Variants in ZBTB37 observed in about 807,000 individuals in gnomAD.
The protein encoded by ZBTB37 is zinc finger and BTB domain containing 37, also known as zinc finger and BTB domain-containing protein 37.
Under a neutral mutation model 37.7 loss-of-function variants are expected in ZBTB37, and 15 were observed. The ratio of observed to expected loss-of-function variants is 0.40; its 90% CI spans 0.27 to 0.61. The LOEUF is 0.61. ZBTB37 is among the 20% of genes least tolerant of loss of function. The pLI, the probability that ZBTB37 is intolerant of heterozygous loss-of-function variation, is 0.44. For synonymous variants in ZBTB37, 231 were observed against 220.6 expected, an observed-to-expected ratio of 1.05 and a Z score of -0.42; for missense variants, 514 against 641.9, an observed-to-expected ratio of 0.80 and a Z score of 2.15.
At chr1:173,895,965 G>C (rs1657028983) in exon 4 of ZBTB37, 1 of 152,192 alleles carries the variant, frequency 6.6e-6, no homozygotes, top group Non-Finnish European at 1.5e-5. Flanking sequence ...AATCCTTGGA[G>C]CATTAGCTGT....
At position 173,891,773 on chromosome 1, in the gene ZBTB37, A is replaced by G. The variant is rs12022069; in HGVS notation, c.*5649A>G. On this transcript the variant is annotated 3_prime_UTR_variant, in exon 4 of 4. Transcript: ENST00000367701. ...GACCTTATCTCTAAAACAAAAAAAA[A>G]TCCTTGCAAGAAGAGAGAATAATTG... is the stretch of plus-strand genomic sequence containing the variant. The G allele has an allele frequency of 5.3e-5, 8 of 152,284 alleles. No individual in the cohort carries two copies. In the East Asian group the frequency reaches 1.5e-3, roughly 29 times the overall value. 9.4% of individuals were successfully genotyped at this position (152,284 alleles called of 1,614,324 possible).
intron 2 of ZBTB37, 29 bp from the exon 3 acceptor site, chr1:173,870,171 A>T: frequency 7.2e-7 from 1 of 1,380,896 alleles, no homozygotes; most frequent in Non-Finnish European, 9.7e-7. Flanking sequence ...TATAATTATT[A>T]ATGAGAATAT....
downstream of ZBTB37, chr1:173,889,562 AT>A (rs1656760960): frequency 6.6e-6 from 1 of 152,188 alleles, no homozygotes. Flanking sequence ...ATATTAATCT[AT>A]TTTCATACTA....
At chr1:173,891,523 T>C (rs539030735), downstream of ZBTB37, 2 of 152,318 alleles carry the variant, frequency 1.3e-5, no homozygotes, top group African/African-American at 4.8e-5. Flanking sequence ...TCTAAATACA[T>C]ATTGGACCAT....
In ZBTB37 at chr1:173,874,013, T is replaced by C. The variant is rs950648134; in HGVS notation, c.1023+447T>C. 2.0e-5 allele frequency among the ~76,000 whole-genome samples: 3 copies of C among 152,196 alleles called. No individual in the cohort carries two copies. In the East Asian group the frequency reaches 5.8e-4, roughly 30 times the overall value. ...GCTCGCGCCTGTAATCCCAGCACTT[T>C]GGGAGGCCGAGGCAGGTGGATCACC... On this transcript the variant is annotated intron_variant, in intron 4 of 4. Transcript: ENST00000427304.
intron 4 of ZBTB37, among the ~76,000 whole-genome samples, chr1:173,879,292 CAA>C (rs1656166976): frequency 6.6e-6 from 1 of 152,020 alleles, no homozygotes; most frequent in African/African-American, 2.4e-5. Context: ...AGATTGGAAA[CAA>C]GGGATGGGGG....
At chr1:173,886,205 A>T in exon 5 of ZBTB37, 1 of 1,463,540 alleles carries the variant, frequency 6.8e-7, no homozygotes, top group South Asian at 1.5e-5. Flanking sequence ...TGATACTTAG[A>T]TTCACAAAAT....
intron 3 of ZBTB37, among the ~76,000 whole-genome samples, chr1:173,871,496 C>G (rs1428202681): frequency 1.3e-5 from 2 of 152,200 alleles, no homozygotes; most frequent in Non-Finnish European, 2.9e-5. Context: ...AGCAGCATTG[C>G]CCTTCCTTGG....
intron 4 of ZBTB37, among the ~76,000 whole-genome samples, chr1:173,874,923 C>T (rs1213281735): frequency 1.3e-5 from 2 of 151,644 alleles, no homozygotes; most frequent in African/African-American, 2.4e-5. Flanking sequence ...AAAATTCTTG[C>T]TTGTGGGCGT....
downstream of ZBTB37, chr1:173,890,937 C>T (rs993720317): frequency 6.6e-6 from 1 of 152,178 alleles, no homozygotes; most frequent in Admixed American, 6.5e-5. Context: ...AAAGTTGTTA[C>T]TCATGACATT....
chr1:173,870,279 C>T (rs1655458975), exon 3 of ZBTB37: 3 of 1,614,194 alleles, frequency 1.9e-6, no homozygotes, highest in East Asian at 2.2e-5. Context: ...GCAACTCTGT[C>T]CTGAGCCATC....
At chr1:173,894,668 A>G (rs1262063275) in exon 4 of ZBTB37, 1 of 152,250 alleles carries the variant, frequency 6.6e-6, no homozygotes, top group Non-Finnish European at 1.5e-5. Flanking sequence ...ACTTAATGGT[A>G]AGATGACAGC....
intron 4 of ZBTB37, among the ~76,000 whole-genome samples, chr1:173,877,850 TG>T (rs1458030227): frequency 6.6e-6 from 1 of 152,216 alleles, no homozygotes; most frequent in Non-Finnish European, 1.5e-5. Flanking sequence ...GAATGAATAT[TG>T]ATAGATTTGA....
chr1:173,885,116 C>G (rs1460149888), intron 4 of ZBTB37, among the ~76,000 whole-genome samples: 1 of 152,078 alleles, frequency 6.6e-6, no homozygotes, highest in Admixed American at 6.6e-5. Flanking sequence ...TGCTGGTGGT[C>G]CCAGCTACTC....
intron 4 of ZBTB37, among the ~76,000 whole-genome samples, chr1:173,878,989 G>A (rs573748549): frequency 6.6e-6 from 1 of 151,748 alleles, no homozygotes; most frequent in Non-Finnish European, 1.5e-5. Flanking sequence ...TACTTGGGAG[G>A]CTGAGACAGG....
chr1:173,874,326 T>G (rs116138798), intron 4 of ZBTB37, among the ~76,000 whole-genome samples: 1 of 151,136 alleles, frequency 6.6e-6, no homozygotes, highest in South Asian at 2.1e-4. Context: ...CTAAAAAATC[T>G]ATAGAAAACA....
chr1:173,880,794 G>T (rs1227498674), intron 4 of ZBTB37, among the ~76,000 whole-genome samples: 1 of 152,154 alleles, frequency 6.6e-6, no homozygotes, highest in African/African-American at 2.4e-5. Context: ...TTCTTCTATT[G>T]CAACTTCACT....
exon 4 of ZBTB37, chr1:173,901,802 A>G (rs1657270920): frequency 6.6e-6 from 1 of 152,214 alleles, no homozygotes; most frequent in South Asian, 2.1e-4. Context: ...TGCCTCTGAA[A>G]GGAGGAGAAA....
At chr1:173,879,091 CAAAA>C (rs35322065) in intron 4 of ZBTB37, among the ~76,000 whole-genome samples, 3 of 84,788 alleles carry the variant, frequency 3.5e-5, no homozygotes, top group Non-Finnish European at 5.0e-5. Context: ...AACTCCATCT[CAAAA>C]AAAAAAAAAA....
Sources: gnomAD v4.1 joint callset for allele counts (sites outside exome capture counted in the v4.1 genomes callset) on GRCh38, gnomAD v4.1.1 for gene constraint, MANE v1.5 for transcripts, NCBI Gene and HGNC (gene_info 2026-07-23, HGNC 2026-07-21) for gene names.